CELF6: variants seen among roughly 807,000 people sequenced by gnomAD.
CELF6 encodes Bruno -like 6, RNA binding protein.
Under a neutral mutation model 53.1 loss-of-function variants are expected in CELF6, and 32 were observed. That is an observed-to-expected ratio of 0.60 (90% confidence interval 0.46 to 0.81). CELF6 has a LOEUF of 0.81. Among genes scored for constraint, CELF6 ranks in the 30% least tolerant of loss-of-function variants. The pLI, the probability that CELF6 is intolerant of heterozygous loss-of-function variation, is 0.00. For synonymous variants in CELF6, 291 were observed against 288.8 expected, an observed-to-expected ratio of 1.01 and a Z score of -0.08; for missense variants, 539 against 669.5, an observed-to-expected ratio of 0.81 and a Z score of 2.15.
At chr15:72,294,337 C>A (rs1187482503) in intron 3 of CELF6, among the ~76,000 whole-genome samples, 1 of 152,232 alleles carries the variant, frequency 6.6e-6, no homozygotes, top group African/African-American at 2.4e-5. Context: ...CGGGTACCAA[C>A]TACCAGACAC....
At position 72,310,207 on chromosome 15, in the gene CELF6, T is replaced by C. The variant is rs76046121; in HGVS notation, c.346-5413A>G. Among the ~76,000 whole-genome samples the C allele has an allele frequency of 2.7e-3, 405 of 152,252 alleles. 5 individuals are homozygous for C. The East Asian group carries it at 0.036, about 13-fold the overall frequency. The stretch of plus-strand genomic sequence containing the variant: ...ATGGGAAGAGTTTATCAGAACCTTC[T>C]TGAGGAAGGGAACACTGGTAGGTCT... On this transcript the variant is annotated intron_variant, in intron 2 of 12. Coordinates refer to ENST00000287202, the MANE Select transcript of CELF6 (RefSeq NM_052840.5).
chr15:72,301,457 A>G (rs1388095205), intron 3 of CELF6, among the ~76,000 whole-genome samples: 1 of 152,176 alleles, frequency 6.6e-6, no homozygotes, highest in East Asian at 1.9e-4. Flanking sequence ...TGGCCTTGAT[A>G]TCCCTTAGAT....
At chr15:72,293,849 T>G (rs942379138) in intron 3 of CELF6, among the ~76,000 whole-genome samples, 9 of 152,110 alleles carry the variant, frequency 5.9e-5, no homozygotes, top group African/African-American at 1.9e-4. Context: ...CACGCCACCA[T>G]GCCCAGCTAA....
At chr15:72,305,207 T>C (rs2088210799) in intron 2 of CELF6, among the ~76,000 whole-genome samples, 1 of 152,220 alleles carries the variant, frequency 6.6e-6, no homozygotes, top group Non-Finnish European at 1.5e-5. Flanking sequence ...TATCACGCTA[T>C]GTGTCATTTA....
chr15:72,288,871 C>G lies in CELF6; in HGVS notation c.1090G>C (p.Ala364Pro), dbSNP rs767098210. The G allele has an allele frequency of 7.1e-6, 11 of 1,550,788 alleles. No homozygotes were observed. In the African/African-American group the frequency reaches 1.2e-4, roughly 17 times the overall value. The change falls in exon 9 of 13, where the codon GCA becomes CCA. Residue 364 changes from alanine to proline, a missense_variant. Transcript: ENST00000287202. This position sits in a 1 kb window ranked among gnomAD's most constrained non-coding sequence, Gnocchi z 4.6. ...GCCGCGTAGCGCCAAGTGAAACCTGCGTAGTGGTGCATCCCAGCGTAGGCC... is the reference window on the plus strand; with the variant it reads ...GCCGCGTAGCGCCAAGTGAAACCTGGGTAGTGGTGCATCCCAGCGTAGGCC... ...QQAYAGMHHY[A>P]AAYPSAYAPV...
Position 72,288,851 on chromosome 15 carries a change from G to C in CELF6, c.1093+17C>G, listed in dbSNP as rs373197572. 15 of 1,549,492 alleles carry C rather than the reference G, an allele frequency of 9.7e-6. No homozygotes were observed. Among genetic ancestry groups the C allele is most frequent in the African/African-American group, 2.7e-5 (2 of 73,032 alleles). On this transcript the variant is annotated intron_variant, in intron 9 of 12. Transcript: ENST00000287202. The surrounding 1 kb of genome is among the most constrained non-coding windows in gnomAD (Gnocchi z 4.6). ...GGCCCTTCAACCTCCCCCAGGCCGCGTAGCGCCAAGTGAAACCTGCGTAGT... is the reference window on the plus strand; with the variant it reads ...GGCCCTTCAACCTCCCCCAGGCCGCCTAGCGCCAAGTGAAACCTGCGTAGT...
chr15:72,292,778 A>C (rs1481418291), intron 3 of CELF6, among the ~76,000 whole-genome samples: 1 of 152,206 alleles, frequency 6.6e-6, no homozygotes, highest in African/African-American at 2.4e-5. Context: ...CTATAATCCC[A>C]GTGCTTTGGG....
intron 3 of CELF6, among the ~76,000 whole-genome samples, chr15:72,292,923 A>C (rs1266582412): frequency 6.6e-6 from 1 of 152,196 alleles, no homozygotes; most frequent in Non-Finnish European, 1.5e-5. Flanking sequence ...GCTATTCAGG[A>C]GACTGAGGTG....
chr15:72,303,197 T>C (rs2088180317), intron 3 of CELF6, among the ~76,000 whole-genome samples: 1 of 152,228 alleles, frequency 6.6e-6, no homozygotes, highest in Admixed American at 6.5e-5. Context: ...AACAATGGCC[T>C]TGATGCATAA....
chr15:72,307,863 G>A (rs2088250119), intron 2 of CELF6, among the ~76,000 whole-genome samples: 1 of 152,230 alleles, frequency 6.6e-6, no homozygotes, highest in South Asian at 2.1e-4. Flanking sequence ...GAGCCTTGCA[G>A]GACTGGGGTC....
chr15:72,315,283 A>G (rs1026157436), intron 2 of CELF6, among the ~76,000 whole-genome samples: 1 of 152,206 alleles, frequency 6.6e-6, no homozygotes, highest in Non-Finnish European at 1.5e-5. Flanking sequence ...CTGATTATCC[A>G]TTAGCCAAGA....
At chr15:72,286,497 C>T (rs2141181325) in intron 12 of CELF6, among the ~76,000 whole-genome samples, 155 bp from the exon 13 acceptor site, 1 of 152,310 alleles carries the variant, frequency 6.6e-6, no homozygotes, top group East Asian at 1.9e-4. Flanking sequence ...CAGCAGGACC[C>T]AGGCAGCAGC....
chr15:72,309,758 A>G (rs980891942), intron 2 of CELF6, among the ~76,000 whole-genome samples: 4 of 152,188 alleles, frequency 2.6e-5, no homozygotes, highest in African/African-American at 9.7e-5. Flanking sequence ...ATCAGGACGT[A>G]ATCAGGAGTC....
chr15:72,293,569 G>A (rs947245622), intron 3 of CELF6, among the ~76,000 whole-genome samples: 1 of 152,228 alleles, frequency 6.6e-6, no homozygotes, highest in Non-Finnish European at 1.5e-5. Context: ...CCTTCCTGGA[G>A]TGGAAAGTAT....
intron 2 of CELF6, among the ~76,000 whole-genome samples, chr15:72,311,266 G>C (rs1213691964): frequency 1.3e-5 from 2 of 151,338 alleles, no homozygotes; most frequent in Non-Finnish European, 2.9e-5. Flanking sequence ...CTCCCAAAGC[G>C]CTGGGATTAC....
At chr15:72,308,161 G>A (rs928284055) in intron 2 of CELF6, among the ~76,000 whole-genome samples, 3 of 152,136 alleles carry the variant, frequency 2.0e-5, no homozygotes, top group Non-Finnish European at 4.4e-5. Context: ...AACTTGCAGC[G>A]TTGTGATGAA....
At chr15:72,318,056 T>A (rs1458165010) in intron 1 of CELF6, among the ~76,000 whole-genome samples, 1 of 152,162 alleles carries the variant, frequency 6.6e-6, no homozygotes, top group Non-Finnish European at 1.5e-5. Flanking sequence ...ATTGTACGGA[T>A]GGCCTACAAA....
At chr15:72,291,262 C>T (rs538396618) in intron 3 of CELF6, among the ~76,000 whole-genome samples, 32 of 152,222 alleles carry the variant, frequency 2.1e-4, no homozygotes, top group African/African-American at 7.2e-4. Context: ...AGGGTTTTGC[C>T]GCACATCCAG....
At chr15:72,287,035 C>A (rs778835692) in intron 12 of CELF6, among the ~76,000 whole-genome samples, 2 of 152,226 alleles carry the variant, frequency 1.3e-5, no homozygotes, top group Non-Finnish European at 2.9e-5. Flanking sequence ...GACTGCGGGG[C>A]AGGAATGTTG....
Sources: allele counts gnomAD v4.1 joint callset (sites outside exome capture counted in the v4.1 genomes callset), GRCh38; gene constraint gnomAD v4.1.1; non-coding constraint Gnocchi (gnomAD v3.1); transcripts MANE v1.5; gene names NCBI Gene and HGNC (gene_info 2026-07-23, HGNC 2026-07-21).